The following BRWD3 variants were observed in gnomAD, a reference collection of about 807,000 sequenced individuals.
The protein encoded by BRWD3 is bromodomain and WD repeat-containing protein 3.
Under a neutral mutation model 149.7 loss-of-function variants are expected in BRWD3, and 10 were observed. The observed-to-expected ratio is 0.07, with a 90% confidence interval of 0.04 to 0.11. BRWD3 has a LOEUF of 0.11. Ranked by LOEUF, BRWD3 falls within the 10% of genes least tolerant of loss-of-function variation. The pLI, the probability that BRWD3 is intolerant of heterozygous loss-of-function variation, is 1.00. For missense variants in BRWD3, 940 were observed against 1,373.2 expected (o/e 0.68, Z 4.99); for synonymous variants, 504 against 456.7 (o/e 1.10, Z -1.32).
intron 6 of BRWD3, among the ~76,000 whole-genome samples, chrX:80,750,889 C>A (rs1048152032): frequency 9.2e-4 from 101 of 109,225 alleles, no homozygotes; most frequent in Non-Finnish European, 1.7e-3. Flanking sequence ...CACACACACA[C>A]ACACGCAAAA....
At chrX:80,740,939 T>G (rs766201503) in intron 8 of BRWD3, among the ~76,000 whole-genome samples, 1 of 111,591 alleles carries the variant, frequency 9.0e-6, no homozygotes, top group Non-Finnish European at 1.9e-5. Flanking sequence ...CTTTAAGTTT[T>G]AGAGTACATG....
At chrX:80,771,921 C>T (rs1602417774) in intron 6 of BRWD3, among the ~76,000 whole-genome samples, 2 of 111,640 alleles carry the variant, frequency 1.8e-5, no homozygotes, top group South Asian at 7.6e-4. Flanking sequence ...CAGTGAGATA[C>T]CATCTCACAC....
At chrX:80,809,411 A>ACC (rs200402115) in intron 1 of BRWD3, 30 bp downstream of exon 1, 1,229 of 1,062,582 alleles carry the variant, frequency 1.2e-3, no homozygotes, top group Middle Eastern at 2.8e-3. Context: ...TTCCCTTAGC[A>ACC]CCCCCCCACC....
intron 27 of BRWD3, among the ~76,000 whole-genome samples, chrX:80,695,290 A>G (rs2072671267): frequency 8.9e-6 from 1 of 111,999 alleles, no homozygotes; most frequent in Non-Finnish European, 1.9e-5. Flanking sequence ...CTCAGGTAGT[A>G]TCTTTACAGC....
At chrX:80,690,641 C>CA (rs2072598750) in intron 31 of BRWD3, among the ~76,000 whole-genome samples, 2 of 110,958 alleles carry the variant, frequency 1.8e-5, no homozygotes, top group Non-Finnish European at 3.8e-5. Flanking sequence ...CCAACCAAAA[C>CA]AAAAAAATTA....
chrX:80,747,988 C>T (rs1044694630), intron 6 of BRWD3, among the ~76,000 whole-genome samples: 14 of 111,214 alleles, frequency 1.3e-4, no homozygotes, highest in African/African-American at 4.6e-4. Flanking sequence ...TCCTGTGCTA[C>T]ATTGAATATA....
intron 17 of BRWD3, among the ~76,000 whole-genome samples, chrX:80,720,111 C>T (rs1363392535): frequency 8.9e-6 from 1 of 111,866 alleles, no homozygotes; most frequent in African/African-American, 3.2e-5. Flanking sequence ...ATGCACAGTA[C>T]ATAATATTTG....
In BRWD3 at chrX:80,806,588, G is replaced by A. The variant is rs1003806509; in HGVS notation, c.180+1951C>T. On this transcript the variant is annotated intron_variant, in intron 4 of 40. Transcript: ENST00000373275. Reference sequence around the variant, plus strand: ...ATAAAGTCCAGGAAAATAACTGGGGGCAGAAGGGATAGGGGAGAAAGTAAA... The same window carrying A: ...ATAAAGTCCAGGAAAATAACTGGGGACAGAAGGGATAGGGGAGAAAGTAAA... 2.3e-4 allele frequency among the ~76,000 whole-genome samples: 26 copies of A among 111,969 alleles called. 1 individual carries two copies. Among genetic ancestry groups the A allele is most frequent in the Admixed American group, 9.5e-5 (1 of 10,529 alleles).
chrX:80,743,945 G>T, intron 8 of BRWD3, 87 bp downstream of exon 8: 2 of 778,604 alleles, frequency 2.6e-6, no homozygotes, highest in African/African-American at 2.1e-5. Context: ...TTATTCTTTG[G>T]GCTATTATCT....
At chrX:80,704,143 T>G (rs75859570) in intron 23 of BRWD3, among the ~76,000 whole-genome samples, 13,819 of 110,127 alleles carry the variant, frequency 0.13, 723 homozygotes, top group South Asian at 0.43. Flanking sequence ...GGTGGGAGTA[T>G]TGCTTGAGCC....
chrX:80,773,157 G>A (rs2073965414), intron 6 of BRWD3, among the ~76,000 whole-genome samples: 1 of 111,758 alleles, frequency 8.9e-6, no homozygotes, highest in African/African-American at 3.3e-5. Context: ...TCTTTATCTT[G>A]ACTGTGTTAG....
intron 20 of BRWD3, chrX:80,710,727 T>C (rs972777355): frequency 2.2e-5 from 13 of 595,203 alleles, no homozygotes; most frequent in African/African-American, 9.0e-5. Flanking sequence ...CCAGCCTATG[T>C]ATGTATTATC....
At chrX:80,749,593 C>T (rs1157843018) in intron 6 of BRWD3, among the ~76,000 whole-genome samples, 1 of 111,150 alleles carries the variant, frequency 9.0e-6, no homozygotes, top group African/African-American at 3.3e-5. Flanking sequence ...TGATGAGTCT[C>T]CTGTAGGCAG....
chrX:80,765,156 C>T (rs2073844608), intron 6 of BRWD3, among the ~76,000 whole-genome samples: 1 of 111,523 alleles, frequency 9.0e-6, no homozygotes, highest in African/African-American at 3.3e-5. Flanking sequence ...GGAATGCTTC[C>T]ACCAGGAGAC....
rs763831205 is a variant in BRWD3 at position 80,722,589 on chromosome X, T to C, written c.1849A>G (p.Ile617Val). Residue 617 changes from isoleucine (I) to valine (V), a missense_variant, in exon 17 of 41, where the codon ATA (isoleucine) becomes GTA (valine). By Grantham distance (29) the Ile-to-Val change is conservative (BLOSUM62 3). Transcript: ENST00000373275. ...TTAGCCACATATCCCAGCTGTGGTA[T>C]AAGCTGTTCATCTTTACAATTTTCC... ...GRENCKDEQL[I>V]PQLGYVANGD... The C allele has an allele frequency of 4.8e-5, 58 of 1,209,434 alleles. No individual in the cohort carries two copies. Among genetic ancestry groups the C allele is most frequent in the Non-Finnish European group, 6.5e-5 (58 of 894,647 alleles).
intron 6 of BRWD3, among the ~76,000 whole-genome samples, chrX:80,763,281 T>C (rs754508472): frequency 1.8e-5 from 2 of 111,735 alleles, no homozygotes; most frequent in South Asian, 7.5e-4. Flanking sequence ...CAGGCAATCT[T>C]GTTTCAAAGG....
intron 6 of BRWD3, among the ~76,000 whole-genome samples, chrX:80,783,825 A>G (rs1401207659): frequency 2.5e-4 from 28 of 111,985 alleles, no homozygotes; most frequent in Non-Finnish European, 3.8e-5. Flanking sequence ...CCAAGCACAG[A>G]AAGACAAACT....
chrX:80,747,721 G>T (rs954866694), intron 6 of BRWD3, among the ~76,000 whole-genome samples: 2 of 111,750 alleles, frequency 1.8e-5, no homozygotes, highest in Admixed American at 1.9e-4. Flanking sequence ...GTTTCACTGA[G>T]TTCTTTGGAT....
intron 6 of BRWD3, among the ~76,000 whole-genome samples, chrX:80,758,415 G>A (rs1602401279): frequency 9.0e-6 from 1 of 111,242 alleles, no homozygotes; most frequent in Non-Finnish European, 1.9e-5. Context: ...AAGTTTGGGA[G>A]CCATCAATTC....
Sources: allele counts gnomAD v4.1 joint callset (sites outside exome capture counted in the v4.1 genomes callset), GRCh38; gene constraint gnomAD v4.1.1; transcripts MANE v1.5; gene names NCBI Gene and HGNC (gene_info 2026-07-23, HGNC 2026-07-21).